The following RPS6KA3 variants were observed in gnomAD, a reference collection of about 807,000 sequenced individuals.
RPS6KA3 encodes the protein ribosomal protein S6 kinase alpha-3.
In RPS6KA3, 4 loss-of-function variants were observed where a neutral mutation model predicts 67.2. The ratio of observed to expected loss-of-function variants is 0.06; its 90% CI spans 0.03 to 0.14. The LOEUF (loss-of-function observed/expected upper bound fraction) is 0.14. RPS6KA3 is among the 10% of genes least tolerant of loss of function. RPS6KA3 has a pLI of 1.00. For synonymous variants in RPS6KA3, 182 were observed against 183.7 expected (o/e 0.99, Z 0.07); for missense variants, 204 against 559.0 (o/e 0.36, Z 6.40).
chrX:20,232,305 T>C (rs2069287373), intron 2 of RPS6KA3, among the ~76,000 whole-genome samples: 1 of 112,649 alleles, frequency 8.9e-6, no homozygotes, highest in South Asian at 3.6e-4. Flanking sequence ...CCAGGCACAG[T>C]GGCTCTCGCC....
Position 20,160,570 on chromosome X carries a change from G to A in RPS6KA3, c.1959+1074C>T, listed in dbSNP as rs772709882. Among the ~76,000 whole-genome samples, 15 of 110,665 alleles carry A rather than the reference G, an allele frequency of 1.4e-4. No homozygotes were observed. In the Admixed American group the frequency reaches 1.4e-3, roughly 11 times the overall value. Reference sequence around the variant, plus strand: ...GCCTCCCGAGTAGCTGGGATTACAGGCACCTGCTACCACACCTGGCTAATT... The same window carrying A: ...GCCTCCCGAGTAGCTGGGATTACAGACACCTGCTACCACACCTGGCTAATT... On this transcript the variant is annotated intron_variant, in intron 20 of 21. Transcript: ENST00000379565.
intron 3 of RPS6KA3, among the ~76,000 whole-genome samples, chrX:20,207,705 T>C (rs2068604745): frequency 8.9e-6 from 1 of 111,922 alleles, no homozygotes; most frequent in Admixed American, 9.4e-5. Flanking sequence ...AAAAATTGAA[T>C]TGAAGTCCGG....
intron 10 of RPS6KA3, 106 bp from the exon 11 acceptor site, chrX:20,177,190 A>T: frequency 1.8e-6 from 1 of 566,795 alleles, no homozygotes; most frequent in Non-Finnish European, 3.0e-6. Context: ...ATTCACACTC[A>T]GTTGTAAGAA....
chrX:20,216,482 G>C (rs763262706), intron 2 of RPS6KA3, among the ~76,000 whole-genome samples: 1 of 110,446 alleles, frequency 9.1e-6, no homozygotes, highest in Non-Finnish European at 1.9e-5. Context: ...TTTGACAACA[G>C]ACCAAATAAT....
chrX:20,192,337 T>G (rs2068153207), intron 7 of RPS6KA3, among the ~76,000 whole-genome samples: 1 of 109,394 alleles, frequency 9.1e-6, no homozygotes, highest in African/African-American at 3.3e-5. Flanking sequence ...ATAAATGGTA[T>G]TTGGGGGAAA....
intron 1 of RPS6KA3, among the ~76,000 whole-genome samples, chrX:20,260,788 TTATTTTCA>T (rs1234878442): frequency 9.0e-6 from 1 of 111,691 alleles, no homozygotes; most frequent in Non-Finnish European, 1.9e-5. Context: ...GAGGTAGACA[TTATTTTCA>T]TCCCTATTTT....
At position 20,155,225 on chromosome X, in the gene RPS6KA3, A is replaced by G; in HGVS notation, c.*173T>C. On this transcript the variant is annotated 3_prime_UTR_variant, in exon 22 of 22. Transcript: ENST00000379565. Reference sequence around the variant, plus strand: ...CTCCAGGAAAATCTAACTTGCTAACAATCATTTAAAGCGAGAAGAGAGGAA... The same window carrying G: ...CTCCAGGAAAATCTAACTTGCTAACGATCATTTAAAGCGAGAAGAGAGGAA... 1.8e-6 allele frequency: 1 copy of G among 546,180 alleles called. No individual in the cohort carries two copies. The highest frequency in any genetic ancestry group is 2.7e-5 in the South Asian group (1 of 37,259). The allele number at this position is 546,180 out of a possible 1,213,427, so 45.0% of individuals were successfully genotyped here.
At chrX:20,226,207 T>G (rs1229411020) in intron 2 of RPS6KA3, among the ~76,000 whole-genome samples, 1 of 110,644 alleles carries the variant, frequency 9.0e-6, no homozygotes, top group Non-Finnish European at 1.9e-5. Flanking sequence ...AAATAAGAAG[T>G]AGATCTAAGA....
intron 16 of RPS6KA3, 108 bp from the exon 17 acceptor site, chrX:20,167,855 T>TTTTA (rs1196726103): frequency 1.8e-4 from 95 of 538,715 alleles, no homozygotes; most frequent in African/African-American, 6.6e-4. Context: ...TCAAGACAAA[T>TTTTA]TTTATTTATT....
Position 20,156,246 on chromosome X carries a change from G to A in RPS6KA3, c.1963C>T (p.Leu655=). ...WNSVSDTAKD[L]VSKMLHVDPH... is the part of the protein sequence containing the mutation. The stretch of plus-strand genomic sequence containing the variant: ...TCTACATGAAGCATCTTTGACACCA[G>A]GTCCTGTAATGGGAATAATAAAACA... Residue 655 remains leucine (L), a synonymous_variant, in exon 21 of 22, where the codon CTG becomes TTG. Coordinates refer to ENST00000379565, the MANE Select transcript of RPS6KA3 (RefSeq NM_004586.3). 1 of 1,209,347 alleles carries A rather than the reference G, an allele frequency of 8.3e-7. No homozygotes were observed.
chrX:20,167,503 G>T, intron 17 of RPS6KA3, 86 bp downstream of exon 17: 1 of 890,196 alleles, frequency 1.1e-6, no homozygotes, highest in Non-Finnish European at 1.7e-6. Context: ...TCCATTTCAG[G>T]CATAAAGTAA....
chrX:20,207,225 A>G (rs985664532), intron 3 of RPS6KA3, among the ~76,000 whole-genome samples: 13 of 111,826 alleles, frequency 1.2e-4, no homozygotes, highest in Non-Finnish European at 2.4e-4. Context: ...CTGAATCTAC[A>G]GTACTTGGTG....
intron 1 of RPS6KA3, among the ~76,000 whole-genome samples, chrX:20,238,396 CTGT>C (rs1198551491): frequency 9.0e-6 from 1 of 111,335 alleles, no homozygotes; most frequent in African/African-American, 3.3e-5. Context: ...CCCTGCATAC[CTGT>C]TGTTACTCTT....
At chrX:20,200,800 GC>G (rs761376471) in intron 4 of RPS6KA3, among the ~76,000 whole-genome samples, 3 of 110,518 alleles carry the variant, frequency 2.7e-5, no homozygotes, top group African/African-American at 9.9e-5. Flanking sequence ...TCCCGCTTTA[GC>G]CCCCCCAGTC....
rs751901746 is a variant in RPS6KA3, at chrX:20,158,709, G to A, written c.1960-2460C>T. Among the ~76,000 whole-genome samples the A allele has an allele frequency of 8.9e-5, 10 of 111,800 alleles. No individual in the cohort carries two copies. In the East Asian group the frequency reaches 2.5e-3, roughly 28 times the overall value. ...ATTATAATTTTAATCAAATCTATAC[G>A]TTAATGAGCTTTTGGTGAACTCACT... On this transcript the variant is annotated intron_variant, in intron 20 of 21. Coordinates refer to ENST00000379565, the MANE Select transcript of RPS6KA3 (RefSeq NM_004586.3).
At chrX:20,260,226 T>G (rs1338500301) in intron 1 of RPS6KA3, among the ~76,000 whole-genome samples, 1 of 111,771 alleles carries the variant, frequency 8.9e-6, no homozygotes, top group Non-Finnish European at 1.9e-5. Context: ...TAACCATTTC[T>G]TCAGGGACAC....
At chrX:20,194,341 T>C (rs2068216800) in intron 5 of RPS6KA3, 73 bp from the exon 6 acceptor site, 1 of 597,397 alleles carries the variant, frequency 1.7e-6, no homozygotes, top group Non-Finnish European at 2.8e-6. Flanking sequence ...CATTCATAAA[T>C]GAATATTTTA....
chrX:20,242,636 C>T (rs902783214), intron 1 of RPS6KA3, among the ~76,000 whole-genome samples: 5 of 111,725 alleles, frequency 4.5e-5, no homozygotes, highest in Middle Eastern at 4.6e-3. Context: ...ATGACGGAAA[C>T]CATTCCAAAA....
Position 20,161,678 on chromosome X carries a change from C to T in RPS6KA3, c.1925G>A (p.Gly642Asp). ...GTCTGAAACAGAATTCCAGTAACCA[C>T]CACTGAGTGAGAATTTTCCGCTACC... ...RIGSGKFSLS[G>D]GYWNSVSDTA... The change falls in exon 20 of 22, where the codon GGT becomes GAT. Residue 642 changes from glycine to aspartate, a missense_variant. Physicochemically the swap from Gly to Asp is moderately conservative, Grantham distance 94 (BLOSUM62 -1). This residue lies in a region of RPS6KA3 where 73 missense variants were observed against 241.1 expected (regional missense o/e 0.30). Coordinates refer to ENST00000379565, the MANE Select transcript of RPS6KA3 (RefSeq NM_004586.3). 8.6e-7 allele frequency: 1 copy of T among 1,165,797 alleles called. No individual in the cohort carries two copies. Among genetic ancestry groups the T allele is most frequent in the South Asian group, 1.8e-5 (1 of 54,687 alleles).
Sources: allele counts gnomAD v4.1 joint callset (sites outside exome capture counted in the v4.1 genomes callset), GRCh38; gene constraint gnomAD v4.1.1; regional missense constraint gnomAD v4.1.1; transcripts MANE v1.5; gene names NCBI Gene and HGNC (gene_info 2026-07-23, HGNC 2026-07-21).